RBM25: variants seen among roughly 807,000 people sequenced by gnomAD.
RBM25 encodes the protein RNA-binding protein 25.
In RBM25, 19 loss-of-function variants were observed where a neutral mutation model predicts 120.7. The ratio of observed to expected loss-of-function variants is 0.16; its 90% confidence interval spans 0.11 to 0.23. RBM25 has a LOEUF of 0.23. RBM25 is among the 10% of genes least tolerant of loss of function. The pLI, the probability that RBM25 is intolerant of heterozygous loss-of-function variation, is 1.00. For synonymous variants in RBM25, 390 were observed against 326.7 expected (o/e 1.19, Z -2.09); for missense variants, 605 against 1,041.5 (o/e 0.58, Z 5.77).
chr14:73,090,782 C>G (rs942553539), intron 6 of RBM25, among the ~76,000 whole-genome samples: 1 of 152,172 alleles, frequency 6.6e-6, no homozygotes, highest in African/African-American at 2.4e-5. Context: ...TCTTGTACCT[C>G]CACAGCATCT....
At chr14:73,083,637 C>T in intron 5 of RBM25, 86 bp downstream of exon 5, 1 of 920,786 alleles carries the variant, frequency 1.1e-6, no homozygotes, top group Non-Finnish European at 1.6e-6. Context: ...CTCTCATTGT[C>T]TTTATCAGTA....
In RBM25 at chr14:73,099,661, T is replaced by A; in HGVS notation, c.784-6T>A. ...TTCATTCCCTCCTGTGCCCGTTTTC[T>A]TTTAGGAGGATATAAATGCTATAGA... On this transcript the variant is annotated splice_region_variant and splice_polypyrimidine_tract_variant and intron_variant, in intron 8 of 18. Transcript: ENST00000261973. 1 of 1,592,754 alleles carries A rather than the reference T, an allele frequency of 6.3e-7. No homozygotes were observed. Among genetic ancestry groups the A allele is most frequent in the South Asian group, 1.2e-5 (1 of 86,530 alleles).
chr14:73,106,394 A>G lies in RBM25; in HGVS notation c.1467+109A>G, dbSNP rs1281095930. 3.5e-6 allele frequency: 3 copies of G among 853,798 alleles called. No homozygotes were observed. The East Asian group carries it at 9.0e-5, about 26-fold the overall frequency. The allele number at this position is 853,798 out of a possible 1,614,324, so 52.9% of individuals were successfully genotyped here. The stretch of plus-strand genomic sequence containing the variant: ...TTGAAATGCACAAGCTTCTCTATTC[A>G]TGTATAATTTAATTTTTATGTATTT... On this transcript the variant is annotated intron_variant, in intron 12 of 18. Coordinates refer to ENST00000261973, the MANE Select transcript of RBM25 (RefSeq NM_021239.3).
chr14:73,113,300 T>G (rs1427408685), intron 17 of RBM25, among the ~76,000 whole-genome samples: 1 of 151,934 alleles, frequency 6.6e-6, no homozygotes, highest in Non-Finnish European at 1.5e-5. Flanking sequence ...TTGGCCAGGC[T>G]GGTCTTGAAC....
At chr14:73,060,659 T>C (rs1894983377) in intron 1 of RBM25, among the ~76,000 whole-genome samples, 1 of 151,432 alleles carries the variant, frequency 6.6e-6, no homozygotes. Flanking sequence ...TTTTTGAAAA[T>C]TGAAAGTTGC....
chr14:73,078,207 G>A (rs1895469859), intron 4 of RBM25, among the ~76,000 whole-genome samples: 1 of 152,174 alleles, frequency 6.6e-6, no homozygotes, highest in East Asian at 1.9e-4. Flanking sequence ...GGTGGCTGAA[G>A]CAGGAGAATC....
intron 17 of RBM25, 45 bp downstream of exon 17, chr14:73,112,295 T>C: frequency 6.7e-7 from 1 of 1,498,726 alleles, no homozygotes; most frequent in Non-Finnish European, 8.9e-7. Context: ...TTTTATATAT[T>C]AAAATATTAG....
Position 73,106,001 on chromosome 14 carries a change from C to A in RBM25, c.1297C>A (p.Arg433=). The A allele has an allele frequency of 6.2e-7, 1 of 1,612,252 alleles. No individual in the cohort carries two copies. Among genetic ancestry groups the A allele is most frequent in the African/African-American group, 1.3e-5 (1 of 74,368 alleles). ...REREKDKKRD[R]EEDEEDAYER... is the part of the protein sequence containing the mutation. ...AAGAGAAAAAGACAAAAAACGGGAC[C>A]GAGAAGAAGATGAAGAAGATGCATA... The change falls in exon 11 of 19, where the codon CGA becomes AGA. Residue 433 remains arginine (R), a synonymous_variant. Transcript: ENST00000261973.
Position 73,076,357 on chromosome 14 carries a change from C to G in RBM25, c.145C>G (p.Pro49Ala). 8 of 1,611,738 alleles carry G rather than the reference C, an allele frequency of 5.0e-6. No individual in the cohort carries two copies. The highest frequency in any genetic ancestry group is 6.8e-6 in the Non-Finnish European group (8 of 1,177,978). Residue 49 changes from proline (P) to alanine (A), a missense_variant, in exon 3 of 19, where the codon CCT becomes GCT. Pro to Ala is a conservative substitution (Grantham distance 27). Coordinates refer to ENST00000261973, the MANE Select transcript of RBM25 (RefSeq NM_021239.3). ...TCCTGTACCAATGAGCATTATGGCT[C>G]CTGCTCCAACTGTAAGTATAACTTA... Reference protein sequence around the residue: ...MIPVPMSIMAPAPTVLVPTVS... With the variant: ...MIPVPMSIMAAAPTVLVPTVS...
intron 1 of RBM25, among the ~76,000 whole-genome samples, chr14:73,066,986 A>G (rs993111681): frequency 1.3e-5 from 2 of 151,832 alleles, no homozygotes; most frequent in Non-Finnish European, 2.9e-5. Context: ...GAAAGGGCAT[A>G]CCCATATTCT....
intron 6 of RBM25, among the ~76,000 whole-genome samples, chr14:73,095,667 C>T (rs115638312): frequency 0.023 from 3,453 of 151,944 alleles, 135 homozygotes; most frequent in African/African-American, 0.076. Context: ...TTGTTGAATA[C>T]GTATCCATTG....
chr14:73,076,406 A>G (rs1410191723), intron 3 of RBM25, 38 bp downstream of exon 3: 1 of 1,542,916 alleles, frequency 6.5e-7, no homozygotes, highest in South Asian at 1.1e-5. Context: ...GAGTTATGGT[A>G]GTGCTAGTGC....
intron 2 of RBM25, among the ~76,000 whole-genome samples, chr14:73,072,220 C>T (rs1895311281): frequency 6.6e-6 from 1 of 152,036 alleles, no homozygotes; most frequent in African/African-American, 2.4e-5. Context: ...GATCTGCCGG[C>T]CTCCGGCTCC....
chr14:73,115,374 G>A (rs1339277472), intron 18 of RBM25, among the ~76,000 whole-genome samples: 1 of 151,968 alleles, frequency 6.6e-6, no homozygotes, highest in African/African-American at 2.4e-5. Flanking sequence ...CCCTCTCTTC[G>A]TTCATGTTTT....
Position 73,099,882 on chromosome 14 carries a change from A to G in RBM25, c.867+132A>G. The G allele has an allele frequency of 5.4e-6, 7 of 1,306,154 alleles. No homozygotes were observed. In the South Asian group the frequency reaches 6.2e-5, roughly 12 times the overall value. The allele number at this position is 1,306,154 out of a possible 1,614,324, so 80.9% of individuals were successfully genotyped here. On this transcript the variant is annotated intron_variant, in intron 9 of 18. Transcript: ENST00000261973. The stretch of plus-strand genomic sequence containing the variant: ...TTTTATAGGTTTAATTGATATTTAG[A>G]TAGAAAAAAGAAACAGAAGACCAAT...
chr14:73,110,132 A>C (rs1034327471), intron 14 of RBM25, among the ~76,000 whole-genome samples: 1 of 149,838 alleles, frequency 6.7e-6, no homozygotes, highest in Non-Finnish European at 1.5e-5. Flanking sequence ...TGATCCGCCC[A>C]TCTTGGCATC....
chr14:73,081,214 A>T (rs1451781190), intron 4 of RBM25, among the ~76,000 whole-genome samples: 1 of 147,088 alleles, frequency 6.8e-6, no homozygotes, highest in African/African-American at 2.7e-5. Context: ...ATCTCAGCTC[A>T]CTGCAACCTC....
intron 1 of RBM25, among the ~76,000 whole-genome samples, chr14:73,070,615 G>A (rs1895263424): frequency 6.6e-6 from 1 of 152,052 alleles, no homozygotes; most frequent in African/African-American, 2.4e-5. Flanking sequence ...AACAAATACT[G>A]TGTAACTTGG....
chr14:73,069,389 T>C (rs1459029362), intron 1 of RBM25, among the ~76,000 whole-genome samples: 1 of 152,220 alleles, frequency 6.6e-6, no homozygotes, highest in African/African-American at 2.4e-5. Flanking sequence ...AAACTTTTTA[T>C]GTTTTCTCTT....
Sources: allele counts gnomAD v4.1 joint callset (sites outside exome capture counted in the v4.1 genomes callset), GRCh38; gene constraint gnomAD v4.1.1; transcripts MANE v1.5; gene names NCBI Gene and HGNC (gene_info 2026-07-23, HGNC 2026-07-21).